NDUFAF5: variants seen among roughly 807,000 people sequenced by gnomAD.
The protein encoded by NDUFAF5 is NADH:ubiquinone oxidoreductase complex assembly factor 5.
NDUFAF5 carries 34 observed loss-of-function variants against 48.9 expected under a neutral mutation model. That is an observed-to-expected ratio of 0.70 (90% CI 0.53 to 0.93). The LOEUF is 0.93. NDUFAF5 is among the 40% of genes least tolerant of loss of function. NDUFAF5 has a pLI of 0.00. For synonymous variants in NDUFAF5, 153 were observed against 150.6 expected, an observed-to-expected ratio of 1.02 and a Z score of -0.12; for missense variants, 428 against 427.5, an observed-to-expected ratio of 1.00 and a Z score of -0.01.
Position 13,818,124 on chromosome 20 carries a change from C to G in NDUFAF5, c.*914C>G. 2.2e-6 allele frequency: 1 copy of G among 454,108 alleles called. No individual in the cohort carries two copies. 28.1% of individuals were successfully genotyped at this position (454,108 alleles called of 1,614,324 possible). On this transcript the variant is annotated 3_prime_UTR_variant, in exon 11 of 11. Transcript: ENST00000378106. ...ATTTCCTTCTGTCTCCTCTCAGTCT[C>G]TCTTCTGCCTTCCTTCCCTCCTTTA... is the stretch of plus-strand genomic sequence containing the variant.
At chr20:13,792,713 G>A (rs932380520) in intron 3 of NDUFAF5, among the ~76,000 whole-genome samples, 1 of 152,166 alleles carries the variant, frequency 6.6e-6, no homozygotes, top group Non-Finnish European at 1.5e-5. Context: ...TGTTTTTCTG[G>A]TGCAGAAATA....
At chr20:13,798,362 A>G (rs546615213) in intron 5 of NDUFAF5, 99 bp from the exon 6 acceptor site, 3 of 896,448 alleles carry the variant, frequency 3.3e-6, no homozygotes, top group African/African-American at 3.3e-5. Flanking sequence ...TTAAACTTCA[A>G]AATTAACACC....
chr20:13,805,300 CA>C (rs1326250522), intron 7 of NDUFAF5, among the ~76,000 whole-genome samples: 7 of 152,030 alleles, frequency 4.6e-5, no homozygotes, highest in Non-Finnish European at 1.0e-4. Flanking sequence ...TGCTAATCAC[CA>C]GAAGAAAGTT....
intron 3 of NDUFAF5, among the ~76,000 whole-genome samples, chr20:13,791,401 G>T (rs1276333357): frequency 6.6e-6 from 1 of 152,206 alleles, no homozygotes. Context: ...GTGAGGCAAA[G>T]TAAACCTGTC....
At chr20:13,799,844 A>T (rs1983858241) in intron 6 of NDUFAF5, among the ~76,000 whole-genome samples, 1 of 152,168 alleles carries the variant, frequency 6.6e-6, no homozygotes, top group African/African-American at 2.4e-5. Context: ...CTCTACAAGG[A>T]AAGAATCAAC....
intron 5 of NDUFAF5, 31 bp downstream of exon 5, chr20:13,794,972 T>C (rs753252963): frequency 7.1e-7 from 1 of 1,410,356 alleles, no homozygotes; most frequent in Non-Finnish European, 1.0e-6. Flanking sequence ...AAACCATATG[T>C]TATAAACAGA....
rs1399031700 is a variant in NDUFAF5 at position 13,788,782 on chromosome 20, T to G, written c.327+130T>G. 8 of 639,346 alleles carry G rather than the reference T, an allele frequency of 1.3e-5. No homozygotes were observed. The East Asian group carries it at 2.4e-4, about 19-fold the overall frequency. The allele number at this position is 639,346 out of a possible 1,614,324, so 39.6% of individuals were successfully genotyped here. A position where few individuals can be genotyped will look rare whatever the true frequency, so the allele number is the denominator to read the frequency against. On this transcript the variant is annotated intron_variant, in intron 3 of 10. Transcript: ENST00000378106. ...TATATCAGAATTGTTAATTTGTTTT[T>G]TTTTTTAAGTGGTAGAATCAATGGT...
chr20:13,811,597 G>C (rs1985871394), intron 8 of NDUFAF5, among the ~76,000 whole-genome samples: 1 of 152,146 alleles, frequency 6.6e-6, no homozygotes, highest in Non-Finnish European at 1.5e-5. Flanking sequence ...GGCCTCAGCA[G>C]GGTGAAGGTG....
intron 8 of NDUFAF5, chr20:13,813,984 A>G (rs950722546): frequency 2.4e-5 from 4 of 163,860 alleles, no homozygotes; most frequent in African/African-American, 9.6e-5. Flanking sequence ...TGTGTGTTAG[A>G]AAGCTCACCT....
chr20:13,799,528 G>A (rs1331607180), intron 6 of NDUFAF5, among the ~76,000 whole-genome samples: 3 of 151,890 alleles, frequency 2.0e-5, no homozygotes, highest in Non-Finnish European at 2.9e-5. Flanking sequence ...GTGAAACCCC[G>A]CCTCTACTAA....
At position 13,818,090 on chromosome 20, in the gene NDUFAF5, T is replaced by A. The variant is rs1276560636; in HGVS notation, c.*880T>A. On this transcript the variant is annotated 3_prime_UTR_variant, in exon 11 of 11. Transcript: ENST00000378106. ...GCCTCATCTTCAGCCTTCAGTGATCTATAATAGCATTTCCTTCTGTCTCCT... is the reference window on the plus strand; with the variant it reads ...GCCTCATCTTCAGCCTTCAGTGATCAATAATAGCATTTCCTTCTGTCTCCT... 1 of 454,146 alleles carries A rather than the reference T, an allele frequency of 2.2e-6. No individual in the cohort carries two copies. Among genetic ancestry groups the A allele is most frequent in the Non-Finnish European group, 4.4e-6 (1 of 226,800 alleles). 28.1% of individuals were successfully genotyped at this position (454,146 alleles called of 1,614,324 possible).
intron 7 of NDUFAF5, among the ~76,000 whole-genome samples, chr20:13,804,708 A>G (rs1984741253): frequency 6.6e-6 from 1 of 152,186 alleles, no homozygotes; most frequent in Non-Finnish European, 1.5e-5. Context: ...AAATTCATTT[A>G]TGTATTCAGT....
intron 7 of NDUFAF5, among the ~76,000 whole-genome samples, chr20:13,803,874 C>T (rs771790382): frequency 2.0e-5 from 3 of 152,134 alleles, no homozygotes; most frequent in Non-Finnish European, 2.9e-5. Context: ...CAATCTCTCC[C>T]TCCCAGGTTC....
At position 13,794,864 on chromosome 20, in the gene NDUFAF5, T is replaced by G. The variant is rs2147515990; in HGVS notation, c.402T>G (p.Pro134=). 6.2e-7 allele frequency: 1 copy of G among 1,611,828 alleles called. No homozygotes were observed. The highest frequency in any genetic ancestry group is 8.5e-7 in the Non-Finnish European group (1 of 1,177,898). The part of the protein sequence containing the change: ...ALKNSSETEI[P]TVSVLADEEF... ...AAAATTCCTCAGAAACAGAAATACC[T>G]ACTGTCAGCGTTTTAGCTGATGAAG... is the stretch of plus-strand genomic sequence containing the variant. Residue 134 remains proline (P), a synonymous_variant, in exon 5 of 11, where the codon CCT becomes CCG. Transcript: ENST00000378106.
chr20:13,802,878 C>G (rs1473573568), intron 7 of NDUFAF5, among the ~76,000 whole-genome samples: 1 of 152,094 alleles, frequency 6.6e-6, no homozygotes, highest in Admixed American at 6.6e-5. Context: ...CTTCCTCCCT[C>G]CACTAACAGT....
chr20:13,795,818 CAAAAT>C (rs1413967255), intron 5 of NDUFAF5, among the ~76,000 whole-genome samples: 2 of 152,154 alleles, frequency 1.3e-5, no homozygotes, highest in African/African-American at 2.4e-5. Context: ...GACCCTGTCT[CAAAAT>C]AATAATAATT....
rs147376365 is a variant in NDUFAF5 at position 13,809,077 on chromosome 20, A to C, written c.778+175A>C. The C allele has an allele frequency of 1.2e-3, 731 of 618,218 alleles. 1 individual carries two copies. The highest frequency in any genetic ancestry group is 1.8e-3 in the Non-Finnish European group (611 of 347,044). The allele number at this position is 618,218 out of a possible 1,614,324, so 38.3% of individuals were successfully genotyped here. A position where few individuals can be genotyped will look rare whatever the true frequency, so the allele number is the denominator to read the frequency against. On this transcript the variant is annotated intron_variant, in intron 8 of 10. Transcript: ENST00000378106. ...GCAGACTGTCTTCATGGAGCTTCTGATATAAAATGGAGGAGGCAGGCACCA... is the reference window on the plus strand; with the variant it reads ...GCAGACTGTCTTCATGGAGCTTCTGCTATAAAATGGAGGAGGCAGGCACCA...
intron 1 of NDUFAF5, among the ~76,000 whole-genome samples, chr20:13,786,712 T>C (rs922470723): frequency 1.3e-5 from 2 of 152,194 alleles, no homozygotes. Context: ...TCTTTATTGC[T>C]ACCAGATGAA....
chr20:13,814,905 G>C (rs1001166129), intron 8 of NDUFAF5, among the ~76,000 whole-genome samples: 3 of 152,196 alleles, frequency 2.0e-5, no homozygotes, highest in Non-Finnish European at 4.4e-5. Flanking sequence ...GGGAGTTTCA[G>C]TGTGGCAGTG....
Sources: gnomAD v4.1 joint callset for allele counts (sites outside exome capture counted in the v4.1 genomes callset) on GRCh38, gnomAD v4.1.1 for gene constraint, MANE v1.5 for transcripts, NCBI Gene and HGNC (gene_info 2026-07-23, HGNC 2026-07-21) for gene names.